ABRACL: variants seen among roughly 807,000 people sequenced by gnomAD.
The protein encoded by ABRACL is costars family protein ABRACL.
ABRACL carries 4 observed loss-of-function variants against 7.0 expected under a neutral mutation model. That is an observed-to-expected ratio of 0.57 (90% CI 0.28 to 1.30). ABRACL has a LOEUF of 1.30. Among genes scored for constraint, ABRACL ranks in the 50% most tolerant of loss-of-function variants. The pLI, the probability that ABRACL is intolerant of heterozygous loss-of-function variation, is 0.10. For missense variants in ABRACL, 104 were observed against 97.3 expected (o/e 1.07, Z -0.29); for synonymous variants, 30 against 36.0 (o/e 0.83, Z 0.60).
At chr6:139,031,024 C>G (rs553342996) in intron 1 of ABRACL, among the ~76,000 whole-genome samples, 82 of 152,230 alleles carry the variant, frequency 5.4e-4, no homozygotes, top group African/African-American at 1.9e-3. Context: ...CTTTGATGCT[C>G]ATTATTCAAT....
In ABRACL at chr6:139,043,159, G is replaced by T; in HGVS notation, c.*256G>T. 3.4e-6 allele frequency: 1 copy of T among 294,224 alleles called. No homozygotes were observed. The highest frequency in any genetic ancestry group is 2.2e-5 in the African/African-American group (1 of 46,372). The allele number at this position is 294,224 out of a possible 1,614,324, so 18.2% of individuals were successfully genotyped here. A position where few individuals can be genotyped will look rare whatever the true frequency, so the allele number is the denominator to read the frequency against. ...GGCAATGAGATTTTTTGCGGGGCAG[G>T]GATGGGAATGTTTGTTCATAAATAA... On this transcript the variant is annotated 3_prime_UTR_variant, in exon 3 of 3. Transcript: ENST00000367660.
intron 2 of ABRACL, among the ~76,000 whole-genome samples, chr6:139,042,222 T>A (rs1371089758): frequency 6.6e-6 from 1 of 152,242 alleles, no homozygotes; most frequent in Non-Finnish European, 1.5e-5. Context: ...TACAGATTTC[T>A]GAGTCTACTA....
At chr6:139,032,331 C>A (rs1786094695) in intron 1 of ABRACL, among the ~76,000 whole-genome samples, 1 of 152,184 alleles carries the variant, frequency 6.6e-6, no homozygotes, top group Non-Finnish European at 1.5e-5. Context: ...TATATTTTCG[C>A]TTTTTAGTCT....
chr6:139,039,703 TGCAGTGATATG>T (rs1174449554), intron 2 of ABRACL, among the ~76,000 whole-genome samples: 3 of 152,130 alleles, frequency 2.0e-5, no homozygotes, highest in African/African-American at 7.2e-5. Context: ...AGGAGGTACA[TGCAGTGATATG>T]GCAGAAGACC....
chr6:139,034,042 T>C (rs1157066020), intron 1 of ABRACL, 113 bp from the exon 2 acceptor site: 12 of 1,354,700 alleles, frequency 8.9e-6, no homozygotes, highest in Non-Finnish European at 1.2e-5. Context: ...AAAAGGAACA[T>C]GGTAAATTAA....
chr6:139,031,983 C>T (rs899069773), intron 1 of ABRACL, among the ~76,000 whole-genome samples: 2 of 149,394 alleles, frequency 1.3e-5, no homozygotes, highest in African/African-American at 4.9e-5. Context: ...TTTTTTGAGA[C>T]GGAGTCTCGC....
intron 1 of ABRACL, among the ~76,000 whole-genome samples, chr6:139,033,850 C>CACATAGTGAATCGTGGGT (rs1340385189): frequency 1.2e-5 from 1 of 81,150 alleles, no homozygotes; most frequent in East Asian, 1.4e-3. Flanking sequence ...AGAGGACCTA[C>CACATAGTGAATCGTGGGT]GCATAGTGAA....
At position 139,042,960 on chromosome 6, in the gene ABRACL, A is replaced by G; in HGVS notation, c.*57A>G. 2 of 1,387,530 alleles carry G rather than the reference A, an allele frequency of 1.4e-6. No homozygotes were observed. Among genetic ancestry groups the G allele is most frequent in the East Asian group, 2.4e-5 (1 of 41,888 alleles). The allele number at this position is 1,387,530 out of a possible 1,614,324, so 86.0% of individuals were successfully genotyped here. On this transcript the variant is annotated 3_prime_UTR_variant, in exon 3 of 3. Coordinates refer to ENST00000367660, the MANE Select transcript of ABRACL (RefSeq NM_021243.3). ...TTTTGTTTCTGGTAAACTGGAATAT[A>G]AAGTGAAAGAACAAACATTTGAACA...
intron 1 of ABRACL, 92 bp from the exon 2 acceptor site, chr6:139,034,063 C>A (rs570051064): frequency 2.0e-6 from 3 of 1,499,358 alleles, no homozygotes; most frequent in South Asian, 2.4e-5. Flanking sequence ...TAGTGACAGA[C>A]GCGACCTGAA....
At chr6:139,036,788 A>G (rs1438004752) in intron 2 of ABRACL, among the ~76,000 whole-genome samples, 2 of 152,142 alleles carry the variant, frequency 1.3e-5, no homozygotes, top group Admixed American at 1.3e-4. Flanking sequence ...ATTCAAGACC[A>G]GCCTGGGAAA....
intron 2 of ABRACL, among the ~76,000 whole-genome samples, chr6:139,042,303 C>CGGA (rs1044048552): frequency 2.0e-5 from 3 of 152,186 alleles, no homozygotes; most frequent in African/African-American, 7.2e-5. Context: ...CCCCCACTCC[C>CGGA]ACCCTGGGGA....
At chr6:139,034,066 G>T in intron 1 of ABRACL, 89 bp from the exon 2 acceptor site, 2 of 1,529,146 alleles carry the variant, frequency 1.3e-6, no homozygotes, top group South Asian at 2.3e-5. Flanking sequence ...TGACAGACGC[G>T]ACCTGAACAA....
At chr6:139,036,753 G>T (rs920045101) in intron 2 of ABRACL, among the ~76,000 whole-genome samples, 3 of 152,128 alleles carry the variant, frequency 2.0e-5, no homozygotes, top group African/African-American at 7.2e-5. Context: ...GGGGGCCAAG[G>T]TGGGAGGATC....
intron 2 of ABRACL, among the ~76,000 whole-genome samples, chr6:139,042,046 T>A (rs1786261082): frequency 6.6e-6 from 1 of 152,140 alleles, no homozygotes; most frequent in Admixed American, 6.5e-5. Context: ...AGTCAAGTGG[T>A]CAAAGGAATC....
intron 2 of ABRACL, among the ~76,000 whole-genome samples, chr6:139,041,572 G>A (rs1272724433): frequency 7.2e-6 from 1 of 139,842 alleles, no homozygotes; most frequent in African/African-American, 2.7e-5. Context: ...TGTTGCTAAG[G>A]TTGGTGTCAA....
intron 2 of ABRACL, among the ~76,000 whole-genome samples, chr6:139,036,935 G>T (rs1582900559): frequency 1.3e-5 from 2 of 151,990 alleles, no homozygotes; most frequent in African/African-American, 4.8e-5. Flanking sequence ...AGTGAGCCGT[G>T]TTCAAGCCAT....
intron 1 of ABRACL, among the ~76,000 whole-genome samples, chr6:139,032,283 T>C (rs1008053995): frequency 1.3e-5 from 2 of 152,232 alleles, no homozygotes; most frequent in Non-Finnish European, 2.9e-5. Flanking sequence ...TTTATTCTCA[T>C]GGCATGGTGT....
intron 2 of ABRACL, among the ~76,000 whole-genome samples, chr6:139,037,236 C>T (rs1786173107): frequency 6.6e-6 from 1 of 151,808 alleles, no homozygotes; most frequent in African/African-American, 2.4e-5. Flanking sequence ...AAGAGAACAC[C>T]GAGAAGACAT....
chr6:139,041,186 C>G (rs1267686348), intron 2 of ABRACL, among the ~76,000 whole-genome samples: 1 of 152,130 alleles, frequency 6.6e-6, no homozygotes, highest in Non-Finnish European at 1.5e-5. Flanking sequence ...AGTACTGTCT[C>G]CTCCATGAAG....
Sources: gnomAD v4.1 joint callset for allele counts (sites outside exome capture counted in the v4.1 genomes callset) on GRCh38, gnomAD v4.1.1 for gene constraint, MANE v1.5 for transcripts, NCBI Gene and HGNC (gene_info 2026-07-23, HGNC 2026-07-21) for gene names.